The following PI4KA variants were observed in gnomAD, a reference collection of about 807,000 sequenced individuals.
PI4KA encodes PI4-kinase alpha.
Under a neutral mutation model 271.4 loss-of-function variants are expected in PI4KA, and 122 were observed. That is an observed-to-expected ratio of 0.45 (90% CI 0.39 to 0.52). The LOEUF is 0.52. Ranked by LOEUF, PI4KA falls within the 20% of genes least tolerant of loss-of-function variation. PI4KA has a pLI of 0.00. For missense variants in PI4KA, 1,969 were observed against 2,769.1 expected (o/e 0.71, Z 6.48); for synonymous variants, 1,041 against 1,078.8 (o/e 0.96, Z 0.69).
In PI4KA at chr22:20,732,612, T is replaced by TGTCCATTTGCCTGTCCATTTG. The variant is rs1197291636; in HGVS notation, c.4288+358_4288+359insCAAATGGACAGGCAAATGGAC. Among the ~76,000 whole-genome samples, 3 of 152,314 alleles carry TGTCCATTTGCCTGTCCATTTG rather than the reference T, an allele frequency of 2.0e-5. No individual in the cohort carries two copies. The East Asian group carries it at 5.8e-4, about 29-fold the overall frequency. On this transcript the variant is annotated intron_variant, in intron 36 of 54. Coordinates refer to ENST00000255882, the MANE Select transcript of PI4KA (RefSeq NM_058004.4). ...ATCACCTGTCCATTTGACTGCCTCC[T>TGTCCATTTGCCTGTCCATTTG]ACAAGACAACAACAGACCATACCCC...
intron 3 of PI4KA, 69 bp from the exon 4 acceptor site, chr22:20,824,483 A>G (rs1923121386): frequency 1.9e-6 from 2 of 1,072,582 alleles, no homozygotes; most frequent in Non-Finnish European, 2.8e-6. Flanking sequence ...TGGCCATCCA[A>G]TTCAATATGT....
intron 52 of PI4KA, 191 bp downstream of exon 52, chr22:20,710,508 T>A (rs1925113376): frequency 1.6e-6 from 1 of 634,450 alleles, no homozygotes. Flanking sequence ...GTGGTTGGAA[T>A]TAGATGTCCA....
chr22:20,772,032 T>C (rs1344030819), intron 19 of PI4KA, among the ~76,000 whole-genome samples: 1 of 152,228 alleles, frequency 6.6e-6, no homozygotes. Context: ...AGGACTAACA[T>C]TTTCTGAATG....
In PI4KA at chr22:20,734,424, C is replaced by A. The variant is rs563233645; in HGVS notation, c.3871G>T (p.Glu1291Ter). 2.5e-6 allele frequency: 4 copies of A among 1,605,442 alleles called. No homozygotes were observed. Among genetic ancestry groups the A allele is most frequent in the African/African-American group, 1.3e-5 (1 of 74,178 alleles). Reference sequence around the variant, plus strand: ...ATCCAGATGTAGTGGGGGGTCACTTCGGGGGGACAGGGTTTGGGTTGACTT... The same window carrying A: ...ATCCAGATGTAGTGGGGGGTCACTTAGGGGGGACAGGGTTTGGGTTGACTT... The part of the protein sequence containing the change: ...EASQPKPCPP[E>*]VTPHYIWIDF... The change falls in exon 33 of 55, where the codon GAA (glutamate) becomes TAA (stop). Residue 1291 changes from glutamate to a stop codon, truncating the protein, a stop_gained. Transcript: ENST00000255882. LOFTEE classifies it high-confidence loss of function.
At chr22:20,777,171 T>TG (rs1426138501) in intron 19 of PI4KA, among the ~76,000 whole-genome samples, 1 of 152,014 alleles carries the variant, frequency 6.6e-6, no homozygotes, top group East Asian at 1.9e-4. Context: ...CTCAAGTAGA[T>TG]GGGACCACAG....
intron 25 of PI4KA, 137 bp downstream of exon 25, chr22:20,752,766 C>A: frequency 2.4e-6 from 2 of 842,660 alleles, no homozygotes; most frequent in Non-Finnish European, 1.9e-6. Context: ...TGGAGGGAGG[C>A]TGCATCACCC....
chr22:20,725,375 T>C (rs1458297598), intron 42 of PI4KA: 2 of 263,996 alleles, frequency 7.6e-6, no homozygotes, highest in Admixed American at 3.7e-5. Context: ...TTTATGTCCA[T>C]GGATACTGTT....
intron 51 of PI4KA, chr22:20,711,118 G>C (rs1925215874): frequency 1.1e-5 from 6 of 546,564 alleles, no homozygotes; most frequent in South Asian, 9.8e-5. Context: ...TCCAGCTTCT[G>C]ACTCAGAGCA....
Position 20,727,782 on chromosome 22 carries a change from C to A in PI4KA, c.4765G>T (p.Ala1589Ser), listed in dbSNP as rs965954272. The change falls in exon 40 of 55, where the codon GCA becomes TCA. Residue 1589 changes from alanine (A) to serine (S), a missense_variant. Ala to Ser is a moderately conservative substitution (Grantham distance 99). Around this residue, in one of 13 missense-constraint regions of PI4KA, gnomAD observed 388 missense variants for 521.5 expected, o/e 0.74. Transcript: ENST00000255882. ...DPGAVSDVPE[A>S]IKFLVTWHTI... ...TACGTGGGCTACACTACCTTGATTG[C>A]TTCAGGCACATCACTAACGGCTCCC... 21 of 1,613,426 alleles carry A rather than the reference C, an allele frequency of 1.3e-5. No individual in the cohort carries two copies. Among genetic ancestry groups the A allele is most frequent in the Non-Finnish European group, 1.8e-5 (21 of 1,179,512 alleles).
At position 20,712,315 on chromosome 22, in the gene PI4KA, A is replaced by G. The variant is rs1348124577; in HGVS notation, c.5802+171T>C. 5.1e-6 allele frequency: 5 copies of G among 974,476 alleles called. No individual in the cohort carries two copies. In the African/African-American group the frequency reaches 5.3e-5, roughly 10 times the overall value. 60.4% of individuals were successfully genotyped at this position (974,476 alleles called of 1,614,324 possible). On this transcript the variant is annotated intron_variant, in intron 50 of 54. Transcript: ENST00000255882. Reference sequence around the variant, plus strand: ...CGTGATCTGCCCGCCTCGGCCTCCCAAAGTGCTAGGATTACAGGTGTGAGC... The same window carrying G: ...CGTGATCTGCCCGCCTCGGCCTCCCGAAGTGCTAGGATTACAGGTGTGAGC...
In PI4KA at chr22:20,803,218, A is replaced by G; in HGVS notation, c.1564T>C (p.Tyr522His). ...VIPSPVLVKL[Y>H]KYHSQYHTVA... The stretch of plus-strand genomic sequence containing the variant: ...GTGTGGTACTGACTGTGGTACTTGT[A>G]GAGCTTCACCAGAACTGGGGACGGG... Residue 522 changes from tyrosine to histidine, a missense_variant, in exon 13 of 55, where the codon TAC becomes CAC. By Grantham distance (83) the Tyr-to-His change is moderately conservative. Around this residue, in one of 13 missense-constraint regions of PI4KA, gnomAD observed 228 missense variants for 261.6 expected, o/e 0.87. Coordinates refer to ENST00000255882, the MANE Select transcript of PI4KA (RefSeq NM_058004.4). 1 of 1,614,112 alleles carries G rather than the reference A, an allele frequency of 6.2e-7. No individual in the cohort carries two copies. The highest frequency in any genetic ancestry group is 8.5e-7 in the Non-Finnish European group (1 of 1,179,960).
intron 3 of PI4KA, among the ~76,000 whole-genome samples, chr22:20,827,050 T>A (rs1360532996): frequency 6.6e-6 from 1 of 152,194 alleles, no homozygotes; most frequent in African/African-American, 2.4e-5. Flanking sequence ...TTTAATTAGG[T>A]CCCATTTGTC....
chr22:20,813,320 A>AACG, intron 8 of PI4KA, 38 bp downstream of exon 8: 1 of 1,546,944 alleles, frequency 6.5e-7, no homozygotes, highest in African/African-American at 1.4e-5. Context: ...TTTTACTGAC[A>AACG]TATCCATGGT....
intron 37 of PI4KA, 85 bp downstream of exon 37, chr22:20,729,807 C>T: frequency 6.3e-7 from 1 of 1,591,140 alleles, no homozygotes; most frequent in Non-Finnish European, 8.6e-7. Context: ...CTCTGTTCTG[C>T]TGTCTGAGCA....
At chr22:20,756,185 G>C (rs1231730646) in intron 23 of PI4KA, among the ~76,000 whole-genome samples, 1 of 152,058 alleles carries the variant, frequency 6.6e-6, no homozygotes, top group Admixed American at 6.6e-5. Context: ...CTTATTTTGG[G>C]CCATGTGTTT....
Position 20,742,623 on chromosome 22 carries a change from G to A in PI4KA, c.3598C>T (p.Leu1200Phe). 1 of 1,614,174 alleles carries A rather than the reference G, an allele frequency of 6.2e-7. No homozygotes were observed. Among genetic ancestry groups the A allele is most frequent in the Non-Finnish European group, 8.5e-7 (1 of 1,180,012 alleles). The change falls in exon 31 of 55, where the codon CTC becomes TTC. Residue 1200 changes from leucine to phenylalanine, a missense_variant. Leu to Phe is a conservative substitution (Grantham distance 22). Transcript: ENST00000255882. ...TQAMFKLTAM[L>F]ISSKDCDPQL... Reference sequence around the variant, plus strand: ...AGTGAGTTACCTTTACTGCTAATGAGCATTGCGGTCAGCTTGAACATGGCC... The same window carrying A: ...AGTGAGTTACCTTTACTGCTAATGAACATTGCGGTCAGCTTGAACATGGCC...
intron 28 of PI4KA, among the ~76,000 whole-genome samples, chr22:20,749,290 G>T (rs1601401134): frequency 1.3e-5 from 2 of 152,298 alleles, no homozygotes; most frequent in Non-Finnish European, 2.9e-5. Flanking sequence ...GTTCCTCTCA[G>T]CACACCCACT....
chr22:20,853,418 C>G (rs1204392528), intron 1 of PI4KA, among the ~76,000 whole-genome samples: 1 of 152,136 alleles, frequency 6.6e-6, no homozygotes, highest in African/African-American at 2.4e-5. Flanking sequence ...AGGTGAGAAC[C>G]AGGAAAGCAG....
intron 1 of PI4KA, among the ~76,000 whole-genome samples, chr22:20,850,779 G>T (rs964983404): frequency 2.2e-4 from 33 of 152,028 alleles, no homozygotes; most frequent in Non-Finnish European, 4.4e-4. Flanking sequence ...AGTGACTCAA[G>T]CCTATAATCT....
Sources: gnomAD v4.1 joint callset for allele counts (sites outside exome capture counted in the v4.1 genomes callset) on GRCh38, gnomAD v4.1.1 for gene constraint, gnomAD v4.1.1 regional missense constraint, MANE v1.5 for transcripts, NCBI Gene and HGNC (gene_info 2026-07-23, HGNC 2026-07-21) for gene names.